The following PABPC4 variants were observed in gnomAD, a reference collection of about 807,000 sequenced individuals.
PABPC4 encodes the protein poly(A) binding protein cytoplasmic 4.
A neutral mutation model predicts 74.5 loss-of-function variants in PABPC4; 15 were observed. The ratio of observed to expected loss-of-function variants is 0.20; its 90% CI spans 0.13 to 0.31. The LOEUF (loss-of-function observed/expected upper bound fraction) is 0.31. Ranked by LOEUF, PABPC4 falls within the 10% of genes least tolerant of loss-of-function variation. The probability of loss-of-function intolerance (pLI) is 1.00; values close to 1 mark genes in which losing one functional copy is unlikely to be tolerated. For synonymous variants in PABPC4, 345 were observed against 303.0 expected (o/e 1.14, Z -1.44); for missense variants, 610 against 853.5 (o/e 0.71, Z 3.55).
chr1:39,575,165 AAC>A (rs1356964840), intron 1 of PABPC4, among the ~76,000 whole-genome samples: 2 of 152,148 alleles, frequency 1.3e-5, no homozygotes, highest in Non-Finnish European at 1.5e-5. Flanking sequence ...TCCAGTGGCA[AAC>A]ACACAGACCA....
chr1:39,576,777 C>T lies in PABPC4; in HGVS notation c.-826G>A, dbSNP rs1210802058. ...GAAAGCGGCGGAGGCGGCAGCGACC[C>T]GGGGCGGAGAGAGGCGGCCGAGGGA... On this transcript the variant is annotated 5_prime_UTR_variant, in exon 1 of 16. Transcript: ENST00000372858. 3 of 150,008 alleles carry T rather than the reference C, an allele frequency of 2.0e-5. No homozygotes were observed. Among genetic ancestry groups the T allele is most frequent in the African/African-American group, 7.3e-5 (3 of 41,196 alleles). The allele number at this position is 150,008 out of a possible 1,614,324, so 9.3% of individuals were successfully genotyped here.
Position 39,571,217 on chromosome 1 carries a change from C to T in PABPC4, c.503+17G>A, listed in dbSNP as rs775809349. ...CTGGCTCATGCGATGGTTGTTGCTC[C>T]GGACTGGGACACTCACACTTTGCGG... On this transcript the variant is annotated intron_variant, in intron 3 of 15. Coordinates refer to ENST00000372858, the MANE Select transcript of PABPC4 (RefSeq NM_001135653.2). 5.0e-6 allele frequency: 8 copies of T among 1,613,818 alleles called. No individual in the cohort carries two copies. Among genetic ancestry groups the T allele is most frequent in the South Asian group, 1.1e-5 (1 of 91,046 alleles).
intron 4 of PABPC4, 67 bp from the exon 5 acceptor site, chr1:39,569,756 C>A: frequency 6.3e-7 from 1 of 1,581,172 alleles, no homozygotes; most frequent in South Asian, 1.1e-5. Flanking sequence ...GAAGGCTTCC[C>A]TCTGGAAACT....
Position 39,575,962 on chromosome 1 carries a change from C to A in PABPC4, c.-11G>T. ...GGCCGCAGCGTTCATCTCCCCGCCCCCCACCACCCCGAGCCCCGCCAGGAG... is the reference window on the plus strand; with the variant it reads ...GGCCGCAGCGTTCATCTCCCCGCCCACCACCACCCCGAGCCCCGCCAGGAG... On this transcript the variant is annotated 5_prime_UTR_variant, in exon 1 of 16. Coordinates refer to ENST00000372858, the MANE Select transcript of PABPC4 (RefSeq NM_001135653.2). 1.3e-6 allele frequency: 2 copies of A among 1,529,020 alleles called. No homozygotes were observed. The highest frequency in any genetic ancestry group is 1.8e-6 in the Non-Finnish European group (2 of 1,133,130). The allele number at this position is 1,529,020 out of a possible 1,614,324, so 94.7% of individuals were successfully genotyped here. A position where few individuals can be genotyped will look rare whatever the true frequency, so the allele number is the denominator to read the frequency against.
At position 39,569,845 on chromosome 1, in the gene PABPC4, C is replaced by T. The variant is rs1645911855; in HGVS notation, c.643+18G>A. 6.2e-7 allele frequency: 1 copy of T among 1,613,194 alleles called. No individual in the cohort carries two copies. The highest frequency in any genetic ancestry group is 2.2e-5 in the East Asian group (1 of 44,884). On this transcript the variant is annotated intron_variant, in intron 4 of 15. Coordinates refer to ENST00000372858, the MANE Select transcript of PABPC4 (RefSeq NM_001135653.2). The stretch of plus-strand genomic sequence containing the variant: ...GGGTCTGGTAGACTGTGAAAGGAGA[C>T]AAGGAACCCCAACTTACCAAACTGA...
rs1235029777 is a variant in PABPC4, at chr1:39,562,111, G to A, written c.1855C>T (p.Leu619=). 6.2e-7 allele frequency: 1 copy of A among 1,613,686 alleles called. No homozygotes were observed. The highest frequency in any genetic ancestry group is 1.7e-5 in the Admixed American group (1 of 60,026). ...GACTCGGGGGACTCTAACATGTGCA[G>A]CAGCTCAGAGTTGTCTATCTCCAGC... is the stretch of plus-strand genomic sequence containing the variant. The part of the protein sequence containing the change: ...MLLEIDNSEL[L]HMLESPESLR... Residue 619 remains leucine, a synonymous_variant, in exon 14 of 16, where the codon CTG becomes TTG. Transcript: ENST00000372858.
At chr1:39,567,316 G>C in intron 7 of PABPC4, 1 of 500,310 alleles carries the variant, frequency 2.0e-6, no homozygotes, top group African/African-American at 1.9e-5. Flanking sequence ...TTAAGACCAG[G>C]GTAGAAGTTC....
chr1:39,575,460 G>A (rs2124017084), intron 1 of PABPC4, among the ~76,000 whole-genome samples: 1 of 152,322 alleles, frequency 6.6e-6, no homozygotes, highest in Admixed American at 6.5e-5. Context: ...AGGACCACAC[G>A]CAGTGGAATG....
intron 1 of PABPC4, among the ~76,000 whole-genome samples, chr1:39,575,434 C>G (rs548849510): frequency 6.6e-6 from 1 of 152,304 alleles, no homozygotes; most frequent in Admixed American, 6.5e-5. Flanking sequence ...TCTCTAACAG[C>G]CCAGCCCCAC....
intron 7 of PABPC4, among the ~76,000 whole-genome samples, chr1:39,566,534 G>A (rs1645845849): frequency 6.6e-6 from 1 of 152,212 alleles, no homozygotes; most frequent in East Asian, 1.9e-4. Context: ...TAATAGACAA[G>A]GTTATTCACT....
chr1:39,566,092 A>G (rs958729701), intron 7 of PABPC4, among the ~76,000 whole-genome samples: 5 of 152,168 alleles, frequency 3.3e-5, no homozygotes, highest in East Asian at 3.9e-4. Context: ...AGGTGATGCT[A>G]AAGTTCTGAA....
intron 7 of PABPC4, chr1:39,567,234 A>T (rs1645860920): frequency 5.8e-6 from 2 of 343,220 alleles, no homozygotes; most frequent in South Asian, 2.4e-5. Flanking sequence ...TGATATGATT[A>T]TCAAAGAAAA....
rs1356345168 is a variant in PABPC4 at position 39,563,722 on chromosome 1, C to A, written c.1560G>T (p.Gln520His). 1.2e-6 allele frequency: 2 copies of A among 1,614,214 alleles called. No individual in the cohort carries two copies. The highest frequency in any genetic ancestry group is 1.7e-6 in the Non-Finnish European group (2 of 1,180,048). Residue 520 changes from glutamine (Q) to histidine (H), a missense_variant, in exon 12 of 16, where the codon CAG becomes CAT. This residue lies in a region of PABPC4 where 277 missense variants were observed against 301.8 expected (regional missense o/e 0.92). Coordinates refer to ENST00000372858, the MANE Select transcript of PABPC4 (RefSeq NM_001135653.2). ...CAACAGCAGCGCGTGGCGCTAAGTT[C>A]TGCACAGCTGTGGGAACGCCTTAGG... ...CQSGGVPTAV[Q>H]NLAPRAAVAA...
chr1:39,568,042 G>A, intron 6 of PABPC4, 196 bp from the exon 7 acceptor site: 1 of 462,800 alleles, frequency 2.2e-6, no homozygotes, highest in Non-Finnish European at 3.9e-6. Flanking sequence ...CGAATCACAA[G>A]GTCAGGAGAT....
intron 7 of PABPC4, among the ~76,000 whole-genome samples, chr1:39,566,922 A>T (rs988949878): frequency 6.6e-6 from 1 of 152,206 alleles, no homozygotes; most frequent in African/African-American, 2.4e-5. Context: ...TGCTTTCCAC[A>T]TTCCCAGGTT....
At chr1:39,574,297 T>A (rs1645984277) in intron 1 of PABPC4, among the ~76,000 whole-genome samples, 1 of 152,190 alleles carries the variant, frequency 6.6e-6, no homozygotes, top group Non-Finnish European at 1.5e-5. Context: ...GATCGCAAAC[T>A]ATTTCATTAA....
At chr1:39,565,026 G>A (rs1237578210) in intron 8 of PABPC4, 80 bp downstream of exon 8, 27 of 1,480,450 alleles carry the variant, frequency 1.8e-5, no homozygotes, top group East Asian at 1.6e-4. Flanking sequence ...CTCTAATAAC[G>A]AAAAATCCCT....
Position 39,564,711 on chromosome 1 carries a change from G to A in PABPC4, c.1308C>T (p.Arg436=), listed in dbSNP as rs1329022142. 1 of 1,613,990 alleles carries A rather than the reference G, an allele frequency of 6.2e-7. No homozygotes were observed. Among genetic ancestry groups the A allele is most frequent in the African/African-American group, 1.3e-5 (1 of 74,918 alleles). The change falls in exon 9 of 16, where the codon CGC becomes CGT. Residue 436 remains arginine (R), a synonymous_variant. Coordinates refer to ENST00000372858, the MANE Select transcript of PABPC4 (RefSeq NM_001135653.2). ...CTTGAGGTCTCCCACCTTGCTGCCA[G>A]CGTGGATTAGGCCTCATCTGTGCTA... ...NQLAQMRPNP[R]WQQGGRPQGF... is the part of the protein sequence containing the mutation.
chr1:39,564,796 A>C (rs780284421), intron 8 of PABPC4, 23 bp from the exon 9 acceptor site: 2 of 1,574,570 alleles, frequency 1.3e-6, no homozygotes, highest in Non-Finnish European at 1.7e-6. Flanking sequence ...AGAATACCCA[A>C]ACACCCCCTT....
Sources: gnomAD v4.1 joint callset for allele counts (sites outside exome capture counted in the v4.1 genomes callset) on GRCh38, gnomAD v4.1.1 for gene constraint, gnomAD v4.1.1 regional missense constraint, MANE v1.5 for transcripts, NCBI Gene and HGNC (gene_info 2026-07-23, HGNC 2026-07-21) for gene names.